The following CDH12 variants were observed in gnomAD, a reference collection of about 807,000 sequenced individuals.
CDH12 encodes the protein cadherin 12, also known as cadherin-12.
In CDH12, 41 loss-of-function variants were observed where a neutral mutation model predicts 74.1. The ratio of observed to expected loss-of-function variants is 0.55; its 90% CI spans 0.43 to 0.72. The LOEUF is 0.72. Ranked by LOEUF, CDH12 falls within the 30% of genes least tolerant of loss-of-function variation. The pLI, the probability that CDH12 is intolerant of heterozygous loss-of-function variation, is 0.00. For synonymous variants in CDH12, 399 were observed against 355.0 expected (o/e 1.12, Z -1.39); for missense variants, 945 against 977.2 (o/e 0.97, Z 0.44).
intron 5 of CDH12, among the ~76,000 whole-genome samples, chr5:22,064,758 G>A (rs1462141246): frequency 6.6e-6 from 1 of 152,186 alleles, no homozygotes; most frequent in Non-Finnish European, 1.5e-5. Context: ...TGAGCTCAGG[G>A]ATTTGAATTC....
chr5:21,883,061 G>A (rs1197185274), intron 6 of CDH12: 15 of 1,610,566 alleles, frequency 9.3e-6, no homozygotes, highest in Non-Finnish European at 1.1e-5. Flanking sequence ...AACTTAAAAA[G>A]CAGTCTAAAC....
intron 1 of CDH12, among the ~76,000 whole-genome samples, chr5:22,511,927 CTA>C (rs1294929455): frequency 2.1e-5 from 3 of 145,642 alleles, no homozygotes; most frequent in Admixed American, 6.8e-5. Context: ...ATATTTGTAA[CTA>C]TGATTGTGTG....
intron 1 of CDH12, among the ~76,000 whole-genome samples, chr5:22,808,605 C>A (rs1393383406): frequency 9.0e-6 from 1 of 111,484 alleles, no homozygotes. Context: ...CTTTTCTTGT[C>A]TTTTTTTTTT....
chr5:22,021,150 C>T (rs148438583), intron 5 of CDH12, among the ~76,000 whole-genome samples: 4 of 152,294 alleles, frequency 2.6e-5, no homozygotes, highest in African/African-American at 9.6e-5. Flanking sequence ...GTGTCATATA[C>T]ACTTTGTAAC....
intron 1 of CDH12, among the ~76,000 whole-genome samples, chr5:22,847,522 T>A (rs768683562): frequency 6.6e-6 from 1 of 152,168 alleles, no homozygotes; most frequent in Non-Finnish European, 1.5e-5. Flanking sequence ...CCAAAATATA[T>A]TTTCACTGTA....
At chr5:22,142,270 G>C (rs1746847062) in intron 4 of CDH12, 1 of 207,886 alleles carries the variant, frequency 4.8e-6, no homozygotes, top group Non-Finnish European at 9.6e-6. Flanking sequence ...AAGCATTCAG[G>C]ATTACAGTAT....
rs1261080877 is a variant in CDH12 at position 22,365,358 on chromosome 5, T to G, written c.-333+39899A>C. ...CATCTCTAGTTTTTCAATAACGCAC[T>G]TGGTTTGTAATATTTAGAAAACAAT... On this transcript the variant is annotated intron_variant, in intron 3 of 14. Coordinates refer to ENST00000382254, the MANE Select transcript of CDH12 (RefSeq NM_004061.5). Among the ~76,000 whole-genome samples the G allele has an allele frequency of 3.3e-5, 5 of 152,316 alleles. No homozygotes were observed. The East Asian group carries it at 9.6e-4, about 29-fold the overall frequency.
In CDH12 at chr5:21,810,399, A is replaced by C. The variant is rs946142505; in HGVS notation, c.1002+6546T>G. Among the ~76,000 whole-genome samples the C allele has an allele frequency of 1.4e-4, 21 of 152,108 alleles. 1 individual carries two copies. The highest frequency in any genetic ancestry group is 1.3e-3 in the Admixed American group (20 of 15,232). ...AAATTTTAACCTGAGTTCTGGAAAA[A>C]TCAGCAACCAGCCTTTGTGCCCTAT... is the stretch of plus-strand genomic sequence containing the variant. On this transcript the variant is annotated intron_variant, in intron 9 of 14. Coordinates refer to ENST00000382254, the MANE Select transcript of CDH12 (RefSeq NM_004061.5).
intron 5 of CDH12, among the ~76,000 whole-genome samples, chr5:22,076,576 A>T (rs771409691): frequency 6.6e-6 from 1 of 152,082 alleles, no homozygotes. Flanking sequence ...TTCCCCTTCC[A>T]TTTGTCTTGG....
intron 1 of CDH12, among the ~76,000 whole-genome samples, chr5:22,846,112 G>C (rs537922280): frequency 3.9e-5 from 6 of 152,242 alleles, no homozygotes; most frequent in African/African-American, 1.4e-4. Context: ...CAAAGTCTCA[G>C]AAGTGACCCT....
At chr5:22,459,322 A>C (rs150397183) in intron 2 of CDH12, among the ~76,000 whole-genome samples, 55 of 152,314 alleles carry the variant, frequency 3.6e-4, no homozygotes, top group African/African-American at 1.3e-3. Context: ...ACCAAAATTA[A>C]GATTGCAGTT....
At chr5:22,117,490 T>TATA (rs1745221628) in intron 4 of CDH12, among the ~76,000 whole-genome samples, 1 of 69,036 alleles carries the variant, frequency 1.4e-5, no homozygotes, top group African/African-American at 6.4e-5. Flanking sequence ...ATATATATAT[T>TATA]ATATATATAT....
chr5:21,907,471 G>A (rs1248303646), intron 6 of CDH12, among the ~76,000 whole-genome samples: 1 of 152,178 alleles, frequency 6.6e-6, no homozygotes, highest in Admixed American at 6.5e-5. Context: ...CCTTGCAGGT[G>A]GGCACAGGGA....
At chr5:22,455,924 G>A (rs1476591662) in intron 2 of CDH12, among the ~76,000 whole-genome samples, 1 of 152,070 alleles carries the variant, frequency 6.6e-6, no homozygotes, top group African/African-American at 2.4e-5. Context: ...CTTAAACAGT[G>A]GTGGGTTGAT....
intron 3 of CDH12, among the ~76,000 whole-genome samples, chr5:22,264,307 A>G (rs1753628693): frequency 6.6e-6 from 1 of 152,082 alleles, no homozygotes; most frequent in Non-Finnish European, 1.5e-5. Flanking sequence ...GTGATTTAAT[A>G]GCTGTAAAAT....
intron 1 of CDH12, among the ~76,000 whole-genome samples, chr5:22,698,946 T>G (rs964523242): frequency 6.6e-6 from 1 of 151,780 alleles, no homozygotes; most frequent in African/African-American, 2.4e-5. Flanking sequence ...TTGTGTTTGA[T>G]GTGCATTTCT....
At chr5:22,180,430 T>G (rs1361995587) in intron 4 of CDH12, among the ~76,000 whole-genome samples, 1 of 152,190 alleles carries the variant, frequency 6.6e-6, no homozygotes, top group African/African-American at 2.4e-5. Flanking sequence ...TATTTTTGTC[T>G]GTAAGACTAT....
intron 3 of CDH12, among the ~76,000 whole-genome samples, chr5:22,280,906 C>T (rs1332551488): frequency 6.6e-6 from 1 of 152,090 alleles, no homozygotes; most frequent in Admixed American, 6.6e-5. Flanking sequence ...CAAAGCCTGG[C>T]AGAGACACAA....
At chr5:22,117,984 G>C (rs1236287173) in intron 4 of CDH12, among the ~76,000 whole-genome samples, 1 of 151,982 alleles carries the variant, frequency 6.6e-6, no homozygotes, top group Non-Finnish European at 1.5e-5. Context: ...AATAATTTGT[G>C]CACACTCGTA....
Sources: gnomAD v4.1 joint callset for allele counts (sites outside exome capture counted in the v4.1 genomes callset) on GRCh38, gnomAD v4.1.1 for gene constraint, MANE v1.5 for transcripts, NCBI Gene and HGNC (gene_info 2026-07-23, HGNC 2026-07-21) for gene names.